The following CACNA2D4 variants were observed in gnomAD, a reference collection of about 807,000 sequenced individuals.
The protein encoded by CACNA2D4 is voltage-dependent calcium channel subunit alpha-2/delta-4.
CACNA2D4 carries 157 observed loss-of-function variants against 163.8 expected under a neutral mutation model. The observed-to-expected ratio is 0.96, with a 90% confidence interval of 0.84 to 1.09. The LOEUF (loss-of-function observed/expected upper bound fraction) is 1.09. Ranked by LOEUF, CACNA2D4 falls within the 50% of genes least tolerant of loss-of-function variation. The pLI, the probability that CACNA2D4 is intolerant of heterozygous loss-of-function variation, is 0.00. For missense variants in CACNA2D4, 1,410 were observed against 1,479.9 expected, an observed-to-expected ratio of 0.95 and a Z score of 0.78; for synonymous variants, 598 against 586.9, an observed-to-expected ratio of 1.02 and a Z score of -0.27.
intron 29 of CACNA2D4, among the ~76,000 whole-genome samples, chr12:1,805,794 C>T (rs766960167): frequency 6.6e-6 from 1 of 152,240 alleles, no homozygotes; most frequent in Non-Finnish European, 1.5e-5. Context: ...CATGTGGTGT[C>T]CCGGAAGATG....
intron 7 of CACNA2D4, among the ~76,000 whole-genome samples, chr12:1,886,684 T>C (rs1866155008): frequency 1.3e-5 from 2 of 152,160 alleles, no homozygotes; most frequent in Non-Finnish European, 2.9e-5. Flanking sequence ...AGAGCTGGGC[T>C]TCAGATTCTG....
At chr12:1,900,000 C>G (rs1225417925) in intron 6 of CACNA2D4, among the ~76,000 whole-genome samples, 1 of 151,918 alleles carries the variant, frequency 6.6e-6, no homozygotes, top group Non-Finnish European at 1.5e-5. Context: ...AGGCAGAAGA[C>G]AATATGCATT....
rs781005888 is a variant in CACNA2D4, at chr12:1,795,695, C to G, written c.3199G>C (p.Val1067Leu). ...PTCDCSIFPP[V>L]LQEATEVKYN... is the part of the protein sequence containing the mutation. ...TTGACTTCTGTCGCCTCCTGCAGCA[C>G]TGGTGGGAAGATGCTGCAGTCACAG... is the stretch of plus-strand genomic sequence containing the variant. The change falls in exon 36 of 38, where the codon GTG (valine) becomes CTG (leucine). Residue 1067 changes from valine to leucine, a missense_variant. Val to Leu is a conservative substitution (Grantham distance 32). Coordinates refer to ENST00000382722, the MANE Select transcript of CACNA2D4 (RefSeq NM_172364.5). 1 of 1,612,460 alleles carries G rather than the reference C, an allele frequency of 6.2e-7. No homozygotes were observed.
intron 31 of CACNA2D4, 51 bp from the exon 32 acceptor site, chr12:1,800,489 TG>T: frequency 1.3e-6 from 2 of 1,532,994 alleles, no homozygotes; most frequent in South Asian, 1.1e-5. Context: ...AGGGTGAGGG[TG>T]CCCCCCCCCC....
chr12:1,871,063 T>C (rs1865760489), intron 18 of CACNA2D4, among the ~76,000 whole-genome samples: 2 of 152,108 alleles, frequency 1.3e-5, no homozygotes, highest in Admixed American at 6.5e-5. Context: ...GTGTTGCTGG[T>C]GGTGTGTACG....
chr12:1,903,220 T>C (rs1418746201), intron 6 of CACNA2D4, among the ~76,000 whole-genome samples: 1 of 152,076 alleles, frequency 6.6e-6, no homozygotes, highest in Non-Finnish European at 1.5e-5. Context: ...CAAATCAAAG[T>C]GGATTACATA....
intron 29 of CACNA2D4, 67 bp from the exon 30 acceptor site, chr12:1,801,711 C>G: frequency 9.0e-7 from 1 of 1,116,964 alleles, no homozygotes; most frequent in Non-Finnish European, 1.3e-6. Context: ...CCTTCCGAGT[C>G]CAGCACTATT....
chr12:1,862,620 C>T (rs923420872), intron 18 of CACNA2D4, among the ~76,000 whole-genome samples: 2 of 152,122 alleles, frequency 1.3e-5, no homozygotes, highest in South Asian at 2.1e-4. Context: ...ATTATGTTGG[C>T]CAGGCTGGTC....
chr12:1,866,393 G>A lies in CACNA2D4; in HGVS notation c.1879-6187C>T, dbSNP rs187706607. ...ATTACAAACCCCACAATGCAACATC[G>A]AAACTTTTGCTTTAAATAGTCAGTT... On this transcript the variant is annotated intron_variant, in intron 18 of 37. Coordinates refer to ENST00000382722, the MANE Select transcript of CACNA2D4 (RefSeq NM_172364.5). 2.0e-3 allele frequency among the ~76,000 whole-genome samples: 309 copies of A among 152,200 alleles called. 6 individuals carry two copies. The highest frequency in any genetic ancestry group is 4.9e-4 in the Non-Finnish European group (33 of 68,006).
chr12:1,801,554 G>A lies in CACNA2D4; in HGVS notation c.2792+20C>T, dbSNP rs557429511. 9 of 1,557,416 alleles carry A rather than the reference G, an allele frequency of 5.8e-6. No individual in the cohort carries two copies. The African/African-American group carries it at 8.1e-5, about 14-fold the overall frequency. On this transcript the variant is annotated intron_variant, in intron 30 of 37. Transcript: ENST00000382722. ...GTTTGCTGTGTCTATTTGGACTGGG[G>A]AGGAGTGTGCCCCACTTACTGGCTG...
intron 7 of CACNA2D4, 21 bp downstream of exon 7, chr12:1,886,988 C>A (rs1565730174): frequency 1.9e-6 from 3 of 1,565,466 alleles, no homozygotes; most frequent in Admixed American, 1.8e-5. Flanking sequence ...GGCCGCAAAC[C>A]TTTCCCCTGT....
At chr12:1,811,267 G>T (rs530598779) in intron 27 of CACNA2D4, among the ~76,000 whole-genome samples, 1 of 152,228 alleles carries the variant, frequency 6.6e-6, no homozygotes, top group Non-Finnish European at 1.5e-5. Flanking sequence ...CCAGTAGAAC[G>T]GACAGGACGA....
rs1003240188 is a variant in CACNA2D4, at chr12:1,798,538, G to A, written c.2996-1003C>T. Among the ~76,000 whole-genome samples the A allele has an allele frequency of 3.3e-5, 5 of 151,998 alleles. No homozygotes were observed. Among genetic ancestry groups the A allele is most frequent in the Admixed American group, 6.5e-5 (1 of 15,282 alleles). On this transcript the variant is annotated intron_variant, in intron 34 of 37. Transcript: ENST00000382722. This position sits in a 1 kb window ranked among gnomAD's most constrained non-coding sequence, Gnocchi z 4.3. ...CCAGGGCTGTGAGTTTTGTCCCCAG[G>A]GCTGGGCACAGAAGCCTGCCTGACA... is the stretch of plus-strand genomic sequence containing the variant.
intron 18 of CACNA2D4, among the ~76,000 whole-genome samples, chr12:1,864,490 A>C (rs1226837525): frequency 6.6e-6 from 1 of 152,242 alleles, no homozygotes; most frequent in Non-Finnish European, 1.5e-5. Flanking sequence ...CATTTGAGAA[A>C]TGTTTGCCAG....
rs372680374 is a variant in CACNA2D4 at position 1,795,458 on chromosome 12, C to G, written c.3227-77G>C. ...AGACTGGAAAAAGGTCTGGAAGAAC[C>G]TGCTCTGGTGCCACCAGTTGCCCTG... On this transcript the variant is annotated intron_variant, in intron 36 of 37. Transcript: ENST00000382722. The G allele has an allele frequency of 3.9e-5, 54 of 1,386,590 alleles. No homozygotes were observed. The East Asian group carries it at 7.3e-4, about 19-fold the overall frequency. 85.9% of individuals were successfully genotyped at this position (1,386,590 alleles called of 1,614,324 possible). A position where few individuals can be genotyped will look rare whatever the true frequency, so the allele number is the denominator to read the frequency against.
intron 26 of CACNA2D4, among the ~76,000 whole-genome samples, chr12:1,815,522 A>G (rs753475640): frequency 6.6e-6 from 1 of 150,906 alleles, no homozygotes; most frequent in Admixed American, 6.6e-5. Context: ...TGATTTGTTC[A>G]TCTATTTGAT....
At chr12:1,839,564 G>C (rs535403919) in intron 26 of CACNA2D4, among the ~76,000 whole-genome samples, 1 of 152,332 alleles carries the variant, frequency 6.6e-6, no homozygotes, top group Admixed American at 6.5e-5. Flanking sequence ...TAGCTGTGGG[G>C]CTTTGGGCAA....
intron 23 of CACNA2D4, among the ~76,000 whole-genome samples, chr12:1,851,776 C>T (rs1865289689): frequency 2.0e-5 from 3 of 148,482 alleles, no homozygotes; most frequent in South Asian, 2.2e-4. Context: ...AAAAGACTGA[C>T]GGTGTTTTCA....
chr12:1,903,938 T>C (rs1324661388), intron 6 of CACNA2D4, among the ~76,000 whole-genome samples: 1 of 152,128 alleles, frequency 6.6e-6, no homozygotes, highest in Non-Finnish European at 1.5e-5. Flanking sequence ...ACTGCAGCAC[T>C]ATTTACAATA....
Sources: gnomAD v4.1 joint callset for allele counts (sites outside exome capture counted in the v4.1 genomes callset) on GRCh38, gnomAD v4.1.1 for gene constraint, Gnocchi (gnomAD v3.1) non-coding constraint, MANE v1.5 for transcripts, NCBI Gene and HGNC (gene_info 2026-07-23, HGNC 2026-07-21) for gene names.